Variants in KCNQ5 observed in about 807,000 individuals in gnomAD.
KCNQ5 encodes potassium voltage-gated channel subfamily KQT member 5.
A neutral mutation model predicts 98.2 loss-of-function variants in KCNQ5; 30 were observed. That is an observed-to-expected ratio of 0.31 (90% confidence interval 0.23 to 0.41). The LOEUF (loss-of-function observed/expected upper bound fraction) is 0.41, where lower values mean the gene tolerates loss of function less well. KCNQ5 is among the 10% of genes least tolerant of loss of function. The probability of loss-of-function intolerance (pLI) is 1.00; values close to 1 mark genes in which losing one functional copy is unlikely to be tolerated. For synonymous variants in KCNQ5, 458 were observed against 449.4 expected (o/e 1.02, Z -0.24); for missense variants, 835 against 1,182.5 (o/e 0.71, Z 4.31).
intron 1 of KCNQ5, among the ~76,000 whole-genome samples, chr6:72,692,052 G>A (rs997337950): frequency 2.6e-5 from 4 of 152,106 alleles, no homozygotes; most frequent in African/African-American, 9.7e-5. Flanking sequence ...TAATTTCTTC[G>A]ACCAAATTGC....
intron 1 of KCNQ5, among the ~76,000 whole-genome samples, chr6:72,883,610 A>G (rs929774486): frequency 2.0e-5 from 3 of 152,300 alleles, no homozygotes; most frequent in Admixed American, 6.5e-5. Flanking sequence ...AGCATTTGCA[A>G]GGAACAGTGA....
chr6:73,024,652 C>T (rs541580748), intron 2 of KCNQ5, among the ~76,000 whole-genome samples: 2 of 152,256 alleles, frequency 1.3e-5, no homozygotes, highest in African/African-American at 4.8e-5. Flanking sequence ...CTTTCAACTG[C>T]CAACAACTTT....
intron 10 of KCNQ5, among the ~76,000 whole-genome samples, chr6:73,160,298 G>A (rs1427728429): frequency 2.6e-5 from 4 of 152,160 alleles, no homozygotes; most frequent in Non-Finnish European, 4.4e-5. Flanking sequence ...TTACAGGCGT[G>A]AGCCACCGCG....
intron 1 of KCNQ5, among the ~76,000 whole-genome samples, chr6:72,883,773 G>A (rs921266197): frequency 4.6e-5 from 7 of 152,086 alleles, no homozygotes; most frequent in African/African-American, 1.2e-4. Context: ...GAGACCAGGC[G>A]GCCACCTGGG....
At chr6:72,728,504 G>T (rs1770398283) in intron 1 of KCNQ5, among the ~76,000 whole-genome samples, 1 of 152,126 alleles carries the variant, frequency 6.6e-6, no homozygotes, top group Non-Finnish European at 1.5e-5. Context: ...AATATTCATT[G>T]TGATTATCCT....
At chr6:72,781,738 G>C (rs1276367245) in intron 1 of KCNQ5, among the ~76,000 whole-genome samples, 1 of 152,048 alleles carries the variant, frequency 6.6e-6, no homozygotes, top group Non-Finnish European at 1.5e-5. Flanking sequence ...CAATTTCTAT[G>C]CTTGAAAAAA....
At chr6:73,045,615 G>A (rs1419957260) in intron 3 of KCNQ5, among the ~76,000 whole-genome samples, 2 of 152,108 alleles carry the variant, frequency 1.3e-5, no homozygotes, top group African/African-American at 2.4e-5. Flanking sequence ...AATAACATCG[G>A]CATAAAGAAT....
At chr6:72,935,064 C>CTTTTTTTTTTTT (rs59215198) in intron 1 of KCNQ5, among the ~76,000 whole-genome samples, 10 of 99,198 alleles carry the variant, frequency 1.0e-4, no homozygotes, top group Non-Finnish European at 1.4e-4. Context: ...CTTGTTCTAT[C>CTTTTTTTTTTTT]TTTTTTTTTT....
chr6:72,934,235 G>A (rs1192641964), intron 1 of KCNQ5, among the ~76,000 whole-genome samples: 1 of 152,184 alleles, frequency 6.6e-6, no homozygotes, highest in Non-Finnish European at 1.5e-5. Flanking sequence ...TCCATGCAGA[G>A]CCAATAGAAA....
chr6:73,144,307 T>G (rs1353985978), intron 10 of KCNQ5, among the ~76,000 whole-genome samples: 5 of 152,188 alleles, frequency 3.3e-5, no homozygotes, highest in African/African-American at 1.2e-4. Context: ...TTTTTCTTCT[T>G]TTGCCATGTA....
chr6:72,929,259 T>C (rs989857863), intron 1 of KCNQ5, among the ~76,000 whole-genome samples: 2 of 152,130 alleles, frequency 1.3e-5, no homozygotes, highest in Admixed American at 1.3e-4. Context: ...GAATGCCATG[T>C]TGATGTGGAT....
chr6:73,013,236 G>C lies in KCNQ5; in HGVS notation c.489+9238G>C, dbSNP rs141091595. On this transcript the variant is annotated intron_variant, in intron 2 of 13. Transcript: ENST00000370398. ...GTGTTCACAATAGCCACTTATTTCT[G>C]GTGGCTAATGAAACTGATTTCAATT... Among the ~76,000 whole-genome samples the C allele has an allele frequency of 4.2e-3, 633 of 152,220 alleles. 2 individuals carry two copies. Among genetic ancestry groups the C allele is most frequent in the African/African-American group, 0.014 (600 of 41,556 alleles).
At chr6:72,741,730 G>A (rs1771138980) in intron 1 of KCNQ5, among the ~76,000 whole-genome samples, 1 of 152,114 alleles carries the variant, frequency 6.6e-6, no homozygotes, top group African/African-American at 2.4e-5. Context: ...ATTAGCTGAT[G>A]TATGAATTAA....
At chr6:72,742,546 A>G (rs1228920641) in intron 1 of KCNQ5, among the ~76,000 whole-genome samples, 1 of 152,194 alleles carries the variant, frequency 6.6e-6, no homozygotes, top group Non-Finnish European at 1.5e-5. Flanking sequence ...ATTTCCAGGT[A>G]GTTCATGGAC....
chr6:72,636,480 TA>T (rs1159375456), intron 1 of KCNQ5, among the ~76,000 whole-genome samples: 1 of 152,228 alleles, frequency 6.6e-6, no homozygotes, highest in Admixed American at 6.5e-5. Flanking sequence ...GCGATTCTCA[TA>T]ACCTTTTCTA....
At chr6:72,816,957 G>A (rs1381637427) in intron 1 of KCNQ5, among the ~76,000 whole-genome samples, 3 of 152,200 alleles carry the variant, frequency 2.0e-5, no homozygotes, top group Non-Finnish European at 2.9e-5. Context: ...ATGAAAGACA[G>A]GAGTCAGGTA....
intron 1 of KCNQ5, among the ~76,000 whole-genome samples, chr6:72,731,143 A>T (rs1474394013): frequency 6.6e-6 from 1 of 152,224 alleles, no homozygotes; most frequent in Non-Finnish European, 1.5e-5. Context: ...AGAAACAGAT[A>T]GATGTTATAA....
intron 1 of KCNQ5, among the ~76,000 whole-genome samples, chr6:72,832,847 G>C (rs2226132): frequency 0.28 from 43,161 of 151,946 alleles, 6,422 homozygotes; most frequent in South Asian, 0.46. Context: ...GGAGGAAAAC[G>C]AGGAAAGGGC....
intron 1 of KCNQ5, among the ~76,000 whole-genome samples, chr6:72,653,947 A>G (rs897239908): frequency 1.3e-5 from 2 of 152,096 alleles, no homozygotes; most frequent in African/African-American, 4.8e-5. Flanking sequence ...CTTCTCATTG[A>G]GTTACTTTGA....
Sources: allele counts gnomAD v4.1 joint callset (sites outside exome capture counted in the v4.1 genomes callset), GRCh38; gene constraint gnomAD v4.1.1; transcripts MANE v1.5; gene names NCBI Gene and HGNC (gene_info 2026-07-23, HGNC 2026-07-21).